The following CDC23 variants were observed in gnomAD, a reference collection of about 807,000 sequenced individuals.
CDC23 encodes cell division cycle 23, also known as cell division cycle protein 23 homolog.
Under a neutral mutation model 81.7 loss-of-function variants are expected in CDC23, and 26 were observed. The observed-to-expected ratio is 0.32, with a 90% CI of 0.23 to 0.44. The LOEUF is 0.44. Ranked by LOEUF, CDC23 falls within the 20% of genes least tolerant of loss-of-function variation. CDC23 has a pLI of 1.00. For synonymous variants in CDC23, 267 were observed against 270.8 expected (o/e 0.99, Z 0.14); for missense variants, 519 against 728.0 (o/e 0.71, Z 3.30).
chr5:138,195,700 C>CATATAATATATATGTAT (rs1754887391), intron 9 of CDC23, among the ~76,000 whole-genome samples: 1 of 94,744 alleles, frequency 1.1e-5, no homozygotes, highest in Non-Finnish European at 2.0e-5. Flanking sequence ...AATATATATG[C>CATATAATATATATGTAT]ATATATACAT....
At chr5:138,196,298 T>G (rs902740981) in intron 9 of CDC23, among the ~76,000 whole-genome samples, 2 of 151,250 alleles carry the variant, frequency 1.3e-5, no homozygotes, top group Non-Finnish European at 3.0e-5. Context: ...TATATTGATT[T>G]TTTTTTTTTT....
In CDC23 at chr5:138,202,150, TCC is replaced by T; in HGVS notation, c.376_377del (p.Gly126ArgfsTer7). 6.2e-7 allele frequency: 1 copy of T among 1,610,032 alleles called. No homozygotes were observed. Among genetic ancestry groups the T allele is most frequent in the Non-Finnish European group, 8.5e-7 (1 of 1,177,554 alleles). On this transcript the variant is annotated frameshift_variant, in exon 4 of 16. Coordinates refer to ENST00000394886, the MANE Select transcript of CDC23 (RefSeq NM_004661.4). LOFTEE classifies it high-confidence loss of function. ...FLYMYSRYLS[G>X]EKKKDDETVD... The stretch of plus-strand genomic sequence containing the variant: ...CTGTTTCATCGTCCTTCTTTTTTTC[TCC>T]AGACTGTAAGAGAAAATCAACAAAT...
Position 138,198,464 on chromosome 5 carries a change from C to G in CDC23, c.892G>C (p.Glu298Gln). The change falls in exon 8 of 16, where the codon GAA becomes CAA. Residue 298 changes from glutamate (E) to glutamine (Q), a missense_variant. Transcript: ENST00000394886. ...ELRKQDPYRI[E>Q]NMDTFSNLLY... Reference sequence around the variant, plus strand: ...AGGTTGGAGAATGTGTCCATATTTTCAATCCTGTAAGGGTCTTGTTTCCTT... The same window carrying G: ...AGGTTGGAGAATGTGTCCATATTTTGAATCCTGTAAGGGTCTTGTTTCCTT... 6.2e-7 allele frequency: 1 copy of G among 1,614,124 alleles called. No individual in the cohort carries two copies. Among genetic ancestry groups the G allele is most frequent in the Non-Finnish European group, 8.5e-7 (1 of 1,180,008 alleles).
chr5:138,209,870 G>A (rs188487923), intron 2 of CDC23, among the ~76,000 whole-genome samples: 6 of 151,546 alleles, frequency 4.0e-5, no homozygotes, highest in South Asian at 2.1e-4. Flanking sequence ...CATCTACTAC[G>A]TAGATTGAGC....
At chr5:138,192,053 G>T in intron 11 of CDC23, 116 bp from the exon 12 acceptor site, 1 of 961,222 alleles carries the variant, frequency 1.0e-6, no homozygotes, top group Non-Finnish European at 1.6e-6. Flanking sequence ...TTAACCTGAT[G>T]CTCCATATAA....
Position 138,198,220 on chromosome 5 carries a change from C to A in CDC23, c.991G>T (p.Val331Leu). 1 of 1,612,378 alleles carries A rather than the reference C, an allele frequency of 6.2e-7. No homozygotes were observed. The highest frequency in any genetic ancestry group is 8.5e-7 in the Non-Finnish European group (1 of 1,178,608). Residue 331 changes from valine (V) to leucine (L), a missense_variant, in exon 9 of 16, where the codon GTA becomes TTA. By Grantham distance (32) the Val-to-Leu change is conservative (BLOSUM62 1). This residue lies in a region of CDC23 where 175 missense variants were observed against 337.8 expected (regional missense o/e 0.52). Coordinates refer to ENST00000394886, the MANE Select transcript of CDC23 (RefSeq NM_004661.4). ...HNLCEIDKYR[V>L]ETCCVIGNYY... Reference sequence around the variant, plus strand: ...TTACCAATTACACAGCACGTTTCTACACGATATTTATCAATCTCACAGAGG... The same window carrying A: ...TTACCAATTACACAGCACGTTTCTAAACGATATTTATCAATCTCACAGAGG...
At chr5:138,191,384 TG>T in intron 13 of CDC23, 89 bp downstream of exon 13, 1 of 1,023,532 alleles carries the variant, frequency 9.8e-7, no homozygotes, top group African/African-American at 1.6e-5. Flanking sequence ...TGTAGAATGA[TG>T]GGTGTATGGG....
intron 3 of CDC23, among the ~76,000 whole-genome samples, chr5:138,203,382 T>C (rs550605936): frequency 1.1e-3 from 167 of 152,232 alleles, no homozygotes; most frequent in African/African-American, 3.9e-3. Flanking sequence ...CTCCTGTACT[T>C]TCTGCTCAAT....
chr5:138,212,983 G>T lies in CDC23; in HGVS notation c.234+8C>A. On this transcript the variant is annotated splice_region_variant and intron_variant, in intron 2 of 15. Coordinates refer to ENST00000394886, the MANE Select transcript of CDC23 (RefSeq NM_004661.4). Reference sequence around the variant, plus strand: ...GATGGGGAGCGCTCACTGTAAACATGTCCTTACCTCTGTAATAGGCGGAGG... The same window carrying T: ...GATGGGGAGCGCTCACTGTAAACATTTCCTTACCTCTGTAATAGGCGGAGG... The T allele has an allele frequency of 6.2e-7, 1 of 1,612,918 alleles. No individual in the cohort carries two copies. The highest frequency in any genetic ancestry group is 1.1e-5 in the South Asian group (1 of 91,056).
Position 138,191,941 on chromosome 5 carries a change from A to C in CDC23, c.1287-4T>G, listed in dbSNP as rs1396386836. 6.2e-7 allele frequency: 1 copy of C among 1,613,720 alleles called. No homozygotes were observed. The highest frequency in any genetic ancestry group is 8.5e-7 in the Non-Finnish European group (1 of 1,179,626). ...CAGCATGCGAGAATCATTGGGTCTGAGAAAGAAGAACAGGCAGTCTGAGCA... is the reference window on the plus strand; with the variant it reads ...CAGCATGCGAGAATCATTGGGTCTGCGAAAGAAGAACAGGCAGTCTGAGCA... On this transcript the variant is annotated splice_region_variant and splice_polypyrimidine_tract_variant and intron_variant, in intron 11 of 15. Transcript: ENST00000394886.
chr5:138,191,574 C>T (rs1438063500), intron 12 of CDC23, 39 bp from the exon 13 acceptor site: 1 of 1,571,988 alleles, frequency 6.4e-7, no homozygotes, highest in South Asian at 1.1e-5. Context: ...ACCATTGTCC[C>T]ATGTGTCACA....
intron 9 of CDC23, 34 bp downstream of exon 9, chr5:138,198,164 TA>T (rs1160662485): frequency 6.9e-7 from 1 of 1,451,838 alleles, no homozygotes; most frequent in African/African-American, 1.4e-5. Flanking sequence ...ATAATAAATA[TA>T]AATCTTAAAA....
At chr5:138,196,756 A>AT (rs1480447807) in intron 9 of CDC23, among the ~76,000 whole-genome samples, 1 of 140,002 alleles carries the variant, frequency 7.1e-6, no homozygotes, top group Non-Finnish European at 1.5e-5. Flanking sequence ...AATTTTTTGT[A>AT]TTTTTTGTAG....
At position 138,213,007 on chromosome 5, in the gene CDC23, G is replaced by A. The variant is rs1274968956; in HGVS notation, c.218C>T (p.Pro73Leu). ...PALPLAELQPPPPITEEDAQD... is the reference protein window; with the variant it reads ...PALPLAELQPLPPITEEDAQD... The stretch of plus-strand genomic sequence containing the variant: ...TGTCCTTACCTCTGTAATAGGCGGA[G>A]GCGGTTGCAGCTCGGCCAGAGGCAA... Residue 73 changes from proline (P) to leucine (L), a missense_variant, in exon 2 of 16, where the codon CCT becomes CTT. Pro to Leu is a moderately conservative substitution (Grantham distance 98). Around this residue, in one of 4 missense-constraint regions of CDC23, gnomAD observed 126 missense variants for 116.2 expected, o/e 1.08. Transcript: ENST00000394886. The A allele has an allele frequency of 1.7e-5, 27 of 1,613,680 alleles. No individual in the cohort carries two copies. The highest frequency in any genetic ancestry group is 2.7e-5 in the African/African-American group (2 of 74,848).
At chr5:138,195,393 T>C (rs943289868) in intron 9 of CDC23, among the ~76,000 whole-genome samples, 3 of 149,246 alleles carry the variant, frequency 2.0e-5, no homozygotes, top group Non-Finnish European at 1.5e-5. Context: ...AGGTAACTTG[T>C]CCAAGATTAC....
At chr5:138,204,655 T>G (rs1755027463) in intron 3 of CDC23, among the ~76,000 whole-genome samples, 1 of 150,402 alleles carries the variant, frequency 6.6e-6, no homozygotes, top group Non-Finnish European at 1.5e-5. Flanking sequence ...AGTCTCACTC[T>G]GCCGCCCAGG....
chr5:138,194,991 T>G (rs181497575), intron 9 of CDC23, among the ~76,000 whole-genome samples: 1 of 151,958 alleles, frequency 6.6e-6, no homozygotes. Context: ...CTTGAACTCC[T>G]GGGCTCAAGT....
At chr5:138,191,641 A>G in intron 12 of CDC23, 106 bp from the exon 13 acceptor site, 1 of 1,136,912 alleles carries the variant, frequency 8.8e-7, no homozygotes, top group Non-Finnish European at 1.3e-6. Flanking sequence ...AGATTTATAG[A>G]ATGCAAGACA....
chr5:138,195,679 T>C (rs866025968), intron 9 of CDC23, among the ~76,000 whole-genome samples: 192 of 113,552 alleles, frequency 1.7e-3, no homozygotes, highest in Middle Eastern at 7.9e-3. Context: ...TATATATGCA[T>C]ATATACATAT....
Sources: allele counts gnomAD v4.1 joint callset (sites outside exome capture counted in the v4.1 genomes callset), GRCh38; gene constraint gnomAD v4.1.1; regional missense constraint gnomAD v4.1.1; transcripts MANE v1.5; gene names NCBI Gene and HGNC (gene_info 2026-07-23, HGNC 2026-07-21).